The following XNDC1N variants were observed in gnomAD, a reference collection of about 807,000 sequenced individuals.
XNDC1N encodes XRCC1 N-terminal domain containing 1, N-terminal like.
At chr11:71,892,365 G>A in the XNDC1N span, among the ~76,000 whole-genome samples, 1 of 152,168 alleles carries the variant, frequency 6.6e-6, no homozygotes, top group Admixed American at 6.5e-5. Flanking sequence ...GTGATATCAG[G>A]AGTCGTATCT....
the XNDC1N span, among the ~76,000 whole-genome samples, chr11:71,870,036 T>C: frequency 6.6e-6 from 1 of 152,162 alleles, no homozygotes; most frequent in Non-Finnish European, 1.5e-5. Context: ...AGGAGCAAAA[T>C]TACGTCTTAC....
At chr11:71,907,118 G>A in the XNDC1N span, among the ~76,000 whole-genome samples, 6 of 152,086 alleles carry the variant, frequency 3.9e-5, no homozygotes, top group African/African-American at 1.4e-4. Context: ...AATAATATCA[G>A]AGTGTGTAGA....
chr11:71,884,039 C>G, the XNDC1N span, among the ~76,000 whole-genome samples: 1 of 152,234 alleles, frequency 6.6e-6, no homozygotes, highest in South Asian at 2.1e-4. Flanking sequence ...TCCACTTACA[C>G]TAGATTCCAT....
At chr11:71,906,642 G>C in the XNDC1N span, among the ~76,000 whole-genome samples, 2 of 152,138 alleles carry the variant, frequency 1.3e-5, no homozygotes, top group Non-Finnish European at 2.9e-5. Flanking sequence ...TGTGACCTTA[G>C]TAGTCACGTT....
chr11:71,872,133 A>G, the XNDC1N span, among the ~76,000 whole-genome samples: 1 of 152,202 alleles, frequency 6.6e-6, no homozygotes, highest in Non-Finnish European at 1.5e-5. Context: ...GAACTTCCAC[A>G]ACATTATGCT....
At chr11:71,928,438 G>C in the XNDC1N span, 1 of 701,548 alleles carries the variant, frequency 1.4e-6, no homozygotes, top group Non-Finnish European at 2.6e-6. Context: ...CCGCCAATTC[G>C]GCCTTCTGAC....
chr11:71,910,012 T>C, the XNDC1N span, among the ~76,000 whole-genome samples: 33 of 151,678 alleles, frequency 2.2e-4, no homozygotes, highest in East Asian at 1.4e-3. Context: ...AGAAGACAAC[T>C]CTCCGGGATT....
chr11:71,883,398 G>C, the XNDC1N span, among the ~76,000 whole-genome samples: 1 of 152,114 alleles, frequency 6.6e-6, no homozygotes, highest in South Asian at 2.1e-4. Flanking sequence ...TAGACATATA[G>C]GCCACTGGAA....
the XNDC1N span, chr11:71,928,504 T>C: frequency 4.8e-5 from 34 of 702,432 alleles, no homozygotes; most frequent in African/African-American, 4.2e-4. Flanking sequence ...CAGGAATGCG[T>C]TCTGGGGCTT....
At chr11:71,871,824 C>G in the XNDC1N span, among the ~76,000 whole-genome samples, 5 of 152,108 alleles carry the variant, frequency 3.3e-5, no homozygotes, top group Non-Finnish European at 7.4e-5. Flanking sequence ...CCACTTAACA[C>G]ACACTAGAAT....
chr11:71,884,343 T>C, the XNDC1N span: 7 of 1,421,252 alleles, frequency 4.9e-6, no homozygotes, highest in Non-Finnish European at 6.5e-6. Context: ...ATAAAACATT[T>C]CAGACATTTA....
At chr11:71,867,185 T>A in the XNDC1N span, among the ~76,000 whole-genome samples, 1 of 151,662 alleles carries the variant, frequency 6.6e-6, no homozygotes, top group South Asian at 2.1e-4. Flanking sequence ...AATTGAATAA[T>A]CACAATGACC....
At chr11:71,895,102 G>A in the XNDC1N span, among the ~76,000 whole-genome samples, 1 of 122,100 alleles carries the variant, frequency 8.2e-6, no homozygotes, top group Non-Finnish European at 1.6e-5. Flanking sequence ...TTGCACCTGT[G>A]TGAGTGTGTG....
the XNDC1N span, among the ~76,000 whole-genome samples, chr11:71,902,460 G>A: frequency 1.3e-5 from 2 of 152,324 alleles, no homozygotes; most frequent in South Asian, 2.1e-4. Context: ...CAAAGTGTTG[G>A]GATTACCGGC....
chr11:71,906,659 G>C, the XNDC1N span, among the ~76,000 whole-genome samples: 1 of 152,118 alleles, frequency 6.6e-6, no homozygotes, highest in African/African-American at 2.4e-5. Context: ...CGTTTTCCTA[G>C]AATATGACGA....
At chr11:71,865,851 C>T in the XNDC1N span, 2 of 446,590 alleles carry the variant, frequency 4.5e-6, no homozygotes, top group Non-Finnish European at 8.9e-6. Flanking sequence ...AACATTTCTC[C>T]CACCTGTGAG....
chr11:71,907,025 C>A, the XNDC1N span, among the ~76,000 whole-genome samples: 1 of 152,110 alleles, frequency 6.6e-6, no homozygotes, highest in African/African-American at 2.4e-5. Context: ...AAAAAATCAA[C>A]CTCCCCTTAG....
At chr11:71,927,277 T>A in the XNDC1N span, among the ~76,000 whole-genome samples, 84 of 152,294 alleles carry the variant, frequency 5.5e-4, no homozygotes, top group African/African-American at 1.9e-3. Context: ...TTCACACCTG[T>A]AATCCCAGCA....
the XNDC1N span, among the ~76,000 whole-genome samples, chr11:71,885,561 A>T: frequency 1.5e-4 from 23 of 152,114 alleles, no homozygotes; most frequent in Non-Finnish European, 2.9e-4. Context: ...GATCAATATC[A>T]CCGGCTGAGT....
Sources: gnomAD v4.1 joint callset for allele counts (sites outside exome capture counted in the v4.1 genomes callset) on GRCh38, gnomAD v4.1.1 for gene constraint, MANE v1.5 for transcripts, NCBI Gene and HGNC (gene_info 2026-07-23, HGNC 2026-07-21) for gene names.